Variants in TRAPPC12 observed in about 807,000 individuals in gnomAD.
TRAPPC12 encodes TPR repeat protein 15.
In TRAPPC12, 61 loss-of-function variants were observed where a neutral mutation model predicts 69.2. That is an observed-to-expected ratio of 0.88 (90% CI 0.72 to 1.09). The LOEUF is 1.09. Among genes scored for constraint, TRAPPC12 ranks in the 50% least tolerant of loss-of-function variants. The pLI is 0.00. For synonymous variants in TRAPPC12, 469 were observed against 438.9 expected (o/e 1.07, Z -0.86); for missense variants, 1,101 against 1,016.4 (o/e 1.08, Z -1.13).
In TRAPPC12 at chr2:3,425,127, C is replaced by A. The variant is rs533700172; in HGVS notation, c.1417+464C>A. Among the ~76,000 whole-genome samples, 4 of 152,226 alleles carry A rather than the reference C, an allele frequency of 2.6e-5. 1 individual carries two copies. The highest frequency in any genetic ancestry group is 2.0e-4 in the Admixed American group (3 of 15,280). Reference sequence around the variant, plus strand: ...TGGTTGTGGTTCACCCTTTGGGTCACGGTCACGACCATTGTTTGGAAAACA... The same window carrying A: ...TGGTTGTGGTTCACCCTTTGGGTCAAGGTCACGACCATTGTTTGGAAAACA... On this transcript the variant is annotated intron_variant, in intron 5 of 11. Transcript: ENST00000324266.
In TRAPPC12 at chr2:3,387,712, T is replaced by C. The variant is rs1415501463; in HGVS notation, c.89T>C (p.Leu30Pro). Reference protein sequence around the residue: ...QLAPPEEQGLLFQEETIDLGG... With the variant: ...QLAPPEEQGLPFQEETIDLGG... ...GCGCCTCCGGAGGAGCAGGGGTTGC[T>C]CTTCCAGGAGGAAACCATCGATCTT... is the stretch of plus-strand genomic sequence containing the variant. The change falls in exon 2 of 12, where the codon CTC becomes CCC. Residue 30 changes from leucine to proline, a missense_variant. Transcript: ENST00000324266. 6.3e-7 allele frequency: 1 copy of C among 1,595,792 alleles called. No homozygotes were observed. Among genetic ancestry groups the C allele is most frequent in the Non-Finnish European group, 8.5e-7 (1 of 1,171,492 alleles).
intron 5 of TRAPPC12, among the ~76,000 whole-genome samples, chr2:3,432,285 G>C (rs1044646635): frequency 1.3e-5 from 2 of 152,218 alleles, no homozygotes; most frequent in African/African-American, 2.4e-5. Context: ...TCAAATTAAA[G>C]TGGATGGGGC....
At chr2:3,425,182 G>C (rs1318833644) in intron 5 of TRAPPC12, among the ~76,000 whole-genome samples, 1 of 152,228 alleles carries the variant, frequency 6.6e-6, no homozygotes, top group Non-Finnish European at 1.5e-5. Context: ...AGTTCTAGGA[G>C]AGTGACAAGA....
intron 1 of TRAPPC12, among the ~76,000 whole-genome samples, chr2:3,383,374 G>A (rs1483072724): frequency 6.6e-6 from 1 of 152,002 alleles, no homozygotes; most frequent in South Asian, 2.1e-4. Context: ...TTGAAGTTTT[G>A]CCTTTCACAG....
chr2:3,394,625 TA>T (rs77663033), intron 2 of TRAPPC12, among the ~76,000 whole-genome samples: 477 of 140,786 alleles, frequency 3.4e-3, no homozygotes, highest in Middle Eastern at 3.6e-3. Context: ...TGTCTGAGGT[TA>T]AAAAAAAAAA....
chr2:3,381,593 G>C (rs1193172289), intron 1 of TRAPPC12, among the ~76,000 whole-genome samples: 2 of 152,158 alleles, frequency 1.3e-5, no homozygotes, highest in Non-Finnish European at 2.9e-5. Context: ...ATAGGAGGGA[G>C]TAAAGATTTC....
Position 3,477,807 on chromosome 2 carries a change from A to T in TRAPPC12, c.1877+12A>T. Reference sequence around the variant, plus strand: ...GTTTTGATGAACAGGTAAATATTTTAAAACTAAATATATGTTTTCTCAAAT... The same window carrying T: ...GTTTTGATGAACAGGTAAATATTTTTAAACTAAATATATGTTTTCTCAAAT... On this transcript the variant is annotated intron_variant, in intron 10 of 11. Coordinates refer to ENST00000324266, the MANE Select transcript of TRAPPC12 (RefSeq NM_016030.6). 6.5e-7 allele frequency: 1 copy of T among 1,541,016 alleles called. No homozygotes were observed. The highest frequency in any genetic ancestry group is 8.9e-7 in the Non-Finnish European group (1 of 1,129,928).
At chr2:3,428,407 T>C (rs565849017) in intron 5 of TRAPPC12, among the ~76,000 whole-genome samples, 1 of 152,360 alleles carries the variant, frequency 6.6e-6, no homozygotes, top group South Asian at 2.1e-4. Flanking sequence ...CACTTCATTT[T>C]CGCTTGCAAT....
chr2:3,415,729 T>TC (rs1021386756), intron 3 of TRAPPC12, among the ~76,000 whole-genome samples: 2 of 149,612 alleles, frequency 1.3e-5, no homozygotes, highest in African/African-American at 4.9e-5. Flanking sequence ...TCTTTTTTTT[T>TC]TTTTTGAGGC....
Position 3,388,547 on chromosome 2 carries a change from C to G in TRAPPC12, c.924C>G (p.Asp308Glu). 1 of 1,613,120 alleles carries G rather than the reference C, an allele frequency of 6.2e-7. No individual in the cohort carries two copies. The highest frequency in any genetic ancestry group is 8.5e-7 in the Non-Finnish European group (1 of 1,179,754). The change falls in exon 2 of 12, where the codon GAC becomes GAG. Residue 308 changes from aspartate to glutamate, a missense_variant. Physicochemically the swap from Asp to Glu is conservative, Grantham distance 45. Coordinates refer to ENST00000324266, the MANE Select transcript of TRAPPC12 (RefSeq NM_016030.6). The stretch of plus-strand genomic sequence containing the variant: ...TGAGCGAGATGGACCGGAGGAACGA[C>G]GCCTGGCTTCCCGGCGAGGCTACGC... ...LSMSEMDRRN[D>E]AWLPGEATRG...
chr2:3,457,736 C>G (rs1476888488), intron 7 of TRAPPC12, 43 bp downstream of exon 7: 1 of 1,603,080 alleles, frequency 6.2e-7, no homozygotes, highest in Admixed American at 1.7e-5. Flanking sequence ...TCTCGGACAT[C>G]ACTGACAGAC....
chr2:3,451,116 G>A (rs1487153519), intron 6 of TRAPPC12, among the ~76,000 whole-genome samples: 2 of 152,236 alleles, frequency 1.3e-5, no homozygotes, highest in African/African-American at 4.8e-5. Flanking sequence ...TATATATGGA[G>A]TCAAGCAGCT....
chr2:3,443,811 C>T lies in TRAPPC12; in HGVS notation c.1450C>T (p.His484Tyr). 1 of 1,614,134 alleles carries T rather than the reference C, an allele frequency of 6.2e-7. No homozygotes were observed. Among genetic ancestry groups the T allele is most frequent in the Non-Finnish European group, 8.5e-7 (1 of 1,180,036 alleles). Reference protein sequence around the residue: ...SMVPFSMRILHAELQQYLGNP... With the variant: ...SMVPFSMRILYAELQQYLGNP... ...GGTCCCCTTCTCGATGCGCATCTTG[C>T]ACGCGGAGCTTCAGCAGTACCTGGG... The change falls in exon 6 of 12, where the codon CAC (histidine) becomes TAC (tyrosine). Residue 484 changes from histidine (H) to tyrosine (Y), a missense_variant. Physicochemically the swap from His to Tyr is moderately conservative, Grantham distance 83 (BLOSUM62 2). Transcript: ENST00000324266.
chr2:3,422,003 AC>A lies in TRAPPC12; in HGVS notation c.1278+11del. 3.1e-6 allele frequency: 5 copies of A among 1,603,316 alleles called. No homozygotes were observed. Among genetic ancestry groups the A allele is most frequent in the Non-Finnish European group, 4.3e-6 (5 of 1,173,994 alleles). On this transcript the variant is annotated intron_variant, in intron 4 of 11. Coordinates refer to ENST00000324266, the MANE Select transcript of TRAPPC12 (RefSeq NM_016030.6). ...CGACAGATTCACTGCAGGTGAGAACACCTTTCAGGTGCTGGAGTTTAACCTG... is the reference window on the plus strand; with the variant it reads ...CGACAGATTCACTGCAGGTGAGAACACTTTCAGGTGCTGGAGTTTAACCTG...
chr2:3,419,106 C>G (rs1275189892), intron 3 of TRAPPC12, among the ~76,000 whole-genome samples: 1 of 152,208 alleles, frequency 6.6e-6, no homozygotes, highest in South Asian at 2.1e-4. Context: ...GGTCTCCGCC[C>G]CCTCCCCTTC....
chr2:3,417,915 C>T (rs1204265005), intron 3 of TRAPPC12, among the ~76,000 whole-genome samples: 8 of 92,584 alleles, frequency 8.6e-5, no homozygotes, highest in Non-Finnish European at 1.4e-4. Context: ...TGGTGGCGGG[C>T]GCCTGTAGTC....
At chr2:3,470,994 TGC>T in intron 9 of TRAPPC12, among the ~76,000 whole-genome samples, 1 of 152,244 alleles carries the variant, frequency 6.6e-6, no homozygotes, top group African/African-American at 2.4e-5. Context: ...TTTAAAATTT[TGC>T]ATTGAATGTA....
At chr2:3,410,272 G>A (rs1661988626) in intron 3 of TRAPPC12, among the ~76,000 whole-genome samples, 1 of 152,204 alleles carries the variant, frequency 6.6e-6, no homozygotes, top group South Asian at 2.1e-4. Flanking sequence ...ATTATATTGG[G>A]AGAAACCGTA....
At position 3,397,748 on chromosome 2, in the gene TRAPPC12, T is replaced by C. The variant is rs1268790105; in HGVS notation, c.1048-4029T>C. 2.6e-5 allele frequency among the ~76,000 whole-genome samples: 4 copies of C among 152,252 alleles called. No individual in the cohort carries two copies. The East Asian group carries it at 5.8e-4, about 22-fold the overall frequency. ...ATATAGAGATAATGTATATTCTTTC[T>C]GACACATACACTCTCACACTTTCTC... On this transcript the variant is annotated intron_variant, in intron 2 of 11. Coordinates refer to ENST00000324266, the MANE Select transcript of TRAPPC12 (RefSeq NM_016030.6).
Sources: gnomAD v4.1 joint callset for allele counts (sites outside exome capture counted in the v4.1 genomes callset) on GRCh38, gnomAD v4.1.1 for gene constraint, MANE v1.5 for transcripts, NCBI Gene and HGNC (gene_info 2026-07-23, HGNC 2026-07-21) for gene names.